Variants in GRID2 observed in about 807,000 individuals in gnomAD.
The protein encoded by GRID2 is glutamate receptor ionotropic, delta-2.
Under a neutral mutation model 114.8 loss-of-function variants are expected in GRID2, and 33 were observed. The ratio of observed to expected loss-of-function variants is 0.29; its 90% CI spans 0.22 to 0.38. GRID2 has a LOEUF of 0.38. Among genes scored for constraint, GRID2 ranks in the 10% least tolerant of loss-of-function variants. GRID2 has a pLI of 1.00. For missense variants in GRID2, 1,184 were observed against 1,257.7 expected (o/e 0.94, Z 0.89); for synonymous variants, 505 against 449.9 (o/e 1.12, Z -1.55).
intron 1 of GRID2, among the ~76,000 whole-genome samples, chr4:92,572,402 C>G (rs1446492704): frequency 1.4e-5 from 2 of 146,266 alleles, no homozygotes; most frequent in African/African-American, 5.4e-5. Context: ...AATAGCTTAC[C>G]AATCAAAAAA....
At chr4:93,142,929 G>A (rs1418662478) in intron 4 of GRID2, among the ~76,000 whole-genome samples, 5 of 152,196 alleles carry the variant, frequency 3.3e-5, no homozygotes, top group Admixed American at 3.3e-4. Context: ...CATAGTATCA[G>A]CATTCACGTT....
At chr4:92,487,269 A>G (rs1340550637) in intron 1 of GRID2, among the ~76,000 whole-genome samples, 1 of 151,992 alleles carries the variant, frequency 6.6e-6, no homozygotes, top group East Asian at 1.9e-4. Flanking sequence ...ATATAGAAGC[A>G]TAGATATTAT....
intron 2 of GRID2, among the ~76,000 whole-genome samples, chr4:92,722,317 G>A (rs184982095): frequency 1.0e-3 from 159 of 152,248 alleles, no homozygotes; most frequent in Admixed American, 4.0e-3. Context: ...ATACTGGAAC[G>A]TGAGGCAGCA....
chr4:93,747,798 C>G (rs1731975215), intron 14 of GRID2, among the ~76,000 whole-genome samples: 1 of 151,772 alleles, frequency 6.6e-6, no homozygotes, highest in South Asian at 2.1e-4. Flanking sequence ...GTTTTCCCCC[C>G]CAGTGGACAG....
intron 4 of GRID2, among the ~76,000 whole-genome samples, chr4:93,126,636 C>T (rs1478599734): frequency 1.9e-5 from 2 of 106,422 alleles, no homozygotes; most frequent in African/African-American, 7.6e-5. Context: ...CTCGCTCTGT[C>T]ACCCAGGCTG....
At chr4:93,458,089 C>G (rs1334644373) in intron 11 of GRID2, among the ~76,000 whole-genome samples, 1 of 152,070 alleles carries the variant, frequency 6.6e-6, no homozygotes, top group Non-Finnish European at 1.5e-5. Context: ...CATACAAAGC[C>G]TAGGACAGAG....
At chr4:92,336,446 C>G (rs577180657) in intron 1 of GRID2, among the ~76,000 whole-genome samples, 2 of 152,068 alleles carry the variant, frequency 1.3e-5, no homozygotes, top group Non-Finnish European at 1.5e-5. Context: ...TGATCTTAGC[C>G]AAAAGGTTAA....
At chr4:93,637,748 C>T (rs1721543999) in intron 14 of GRID2, among the ~76,000 whole-genome samples, 1 of 152,100 alleles carries the variant, frequency 6.6e-6, no homozygotes, top group Non-Finnish European at 1.5e-5. Flanking sequence ...TTCCTCTCAT[C>T]TTCTTTTGCT....
intron 13 of GRID2, among the ~76,000 whole-genome samples, chr4:93,586,975 T>C (rs559963415): frequency 2.0e-5 from 3 of 152,216 alleles, no homozygotes; most frequent in Non-Finnish European, 4.4e-5. Flanking sequence ...TTAGAATAAA[T>C]TATACATCCT....
intron 1 of GRID2, among the ~76,000 whole-genome samples, chr4:92,553,533 T>A (rs557128128): frequency 5.4e-4 from 82 of 152,340 alleles, no homozygotes; most frequent in African/African-American, 1.9e-3. Context: ...ATAATGTATA[T>A]ATTTTACATA....
intron 2 of GRID2, among the ~76,000 whole-genome samples, chr4:92,661,415 C>A (rs1732513222): frequency 6.6e-6 from 1 of 150,804 alleles, no homozygotes; most frequent in South Asian, 2.1e-4. Context: ...TAAAAAATAT[C>A]TTTAAATGAA....
chr4:93,142,436 C>A (rs932803893), intron 4 of GRID2, among the ~76,000 whole-genome samples: 5 of 152,120 alleles, frequency 3.3e-5, no homozygotes, highest in African/African-American at 1.2e-4. Flanking sequence ...GCTGTCACCT[C>A]ATATGGCAGA....
intron 4 of GRID2, chr4:93,112,011 G>T (rs1732811981): frequency 6.6e-6 from 1 of 151,960 alleles, no homozygotes; most frequent in Non-Finnish European, 1.5e-5. Flanking sequence ...TACTTTTTGA[G>T]TTCAGCAAAT....
chr4:92,835,905 G>C (rs1458484654), intron 2 of GRID2, among the ~76,000 whole-genome samples: 1 of 152,046 alleles, frequency 6.6e-6, no homozygotes, highest in African/African-American at 2.4e-5. Context: ...CTTGACAGCA[G>C]ATCACAGGCT....
chr4:93,372,639 G>GCACAGAAAGACACTAGAGA (rs1763040376), intron 8 of GRID2, among the ~76,000 whole-genome samples: 1 of 151,948 alleles, frequency 6.6e-6, no homozygotes, highest in Non-Finnish European at 1.5e-5. Flanking sequence ...GACATTAGAG[G>GCACAGAAAGACACTAGAGA]CACAGAAACC....
chr4:92,843,930 AT>A (rs1743101195), intron 2 of GRID2, among the ~76,000 whole-genome samples: 1 of 152,140 alleles, frequency 6.6e-6, no homozygotes, highest in Admixed American at 6.6e-5. Context: ...GTAACAATGC[AT>A]TCGTCATTTG....
intron 4 of GRID2, among the ~76,000 whole-genome samples, chr4:93,128,571 A>G (rs1171817700): frequency 6.6e-6 from 1 of 152,166 alleles, no homozygotes; most frequent in East Asian, 1.9e-4. Flanking sequence ...TTGTCAATCA[A>G]TCTCCCATTG....
intron 13 of GRID2, among the ~76,000 whole-genome samples, chr4:93,608,296 C>CTTTTTTTTTTTTTTTTTTT (rs774334616): frequency 6.0e-5 from 7 of 117,000 alleles, no homozygotes; most frequent in African/African-American, 1.0e-4. Flanking sequence ...ATTTTTTTTT[C>CTTTTTTTTTTTTTTTTTTT]TTTTTTTTTT....
Position 93,792,888 on chromosome 4 carries a change from C to A in GRID2, c.222-13827C>A, listed in dbSNP as rs544650062. ...TTGTGAGTGCCAGCTGGAGGTCCCACCTATTCCTTTACCCACTGCCACATC... is the reference window on the plus strand; with the variant it reads ...TTGTGAGTGCCAGCTGGAGGTCCCAACTATTCCTTTACCCACTGCCACATC... On this transcript the variant is annotated intron_variant, in intron 1 of 1. Coordinates refer to the GRID2 transcript ENST00000637838. Among the ~76,000 whole-genome samples, 4 of 152,278 alleles carry A rather than the reference C, an allele frequency of 2.6e-5. No individual in the cohort carries two copies. In the South Asian group the frequency reaches 8.3e-4, roughly 32 times the overall value.
Sources: gnomAD v4.1 joint callset for allele counts (sites outside exome capture counted in the v4.1 genomes callset) on GRCh38, gnomAD v4.1.1 for gene constraint, MANE v1.5 for transcripts, NCBI Gene and HGNC (gene_info 2026-07-23, HGNC 2026-07-21) for gene names.